The following TRMT11 variants were observed in gnomAD, a reference collection of about 807,000 sequenced individuals.
TRMT11 encodes tRNA methyltransferase 11.
In TRMT11, 53 loss-of-function variants were observed where a neutral mutation model predicts 62.8. The observed-to-expected ratio is 0.84, with a 90% CI of 0.68 to 1.06. The LOEUF (loss-of-function observed/expected upper bound fraction) is 1.06. TRMT11 is among the 50% of genes least tolerant of loss of function. The probability of loss-of-function intolerance (pLI) is 0.00; values close to 1 mark genes in which losing one functional copy is unlikely to be tolerated. For synonymous variants in TRMT11, 188 were observed against 190.3 expected (o/e 0.99, Z 0.10); for missense variants, 556 against 553.4 (o/e 1.00, Z -0.05).
the TRMT11 span, among the ~76,000 whole-genome samples, chr6:126,232,307 C>G: frequency 6.6e-6 from 1 of 152,054 alleles, no homozygotes; most frequent in Non-Finnish European, 1.5e-5. Context: ...TGTCTGTGCT[C>G]TTACATTTTC....
chr6:126,195,461 A>G (rs1778654938), intron 1 of TRMT11, among the ~76,000 whole-genome samples: 1 of 152,246 alleles, frequency 6.6e-6, no homozygotes, highest in Non-Finnish European at 1.5e-5. Flanking sequence ...AGACTTTGGA[A>G]CAAAATTTAA....
intron 7 of TRMT11, 120 bp from the exon 8 acceptor site, chr6:126,008,272 C>T (rs987087994): frequency 4.7e-6 from 4 of 854,342 alleles, no homozygotes; most frequent in Non-Finnish European, 4.0e-6. Context: ...TATGTTACGA[C>T]CAATGTCATT....
intron 21 of TRMT11, among the ~76,000 whole-genome samples, chr6:126,159,515 C>A (rs563471145): frequency 6.6e-6 from 1 of 152,334 alleles, no homozygotes; most frequent in Admixed American, 6.5e-5. Flanking sequence ...GGCCACTGAT[C>A]ACTACATAGA....
At chr6:126,000,053 AATATATCCT>A (rs1792215932) in intron 7 of TRMT11, among the ~76,000 whole-genome samples, 1 of 152,146 alleles carries the variant, frequency 6.6e-6, no homozygotes, top group Admixed American at 6.5e-5. Flanking sequence ...GAAAATAGTT[AATATATCCT>A]ATCTTTGAGT....
At chr6:126,119,565 G>A (rs559900171) in intron 21 of TRMT11, among the ~76,000 whole-genome samples, 9 of 151,908 alleles carry the variant, frequency 5.9e-5, no homozygotes, top group African/African-American at 1.5e-4. Context: ...GAAAACCGAT[G>A]CATGGAAAGA....
chr6:125,995,920 G>C (rs374744348), intron 2 of TRMT11, 47 bp from the exon 3 acceptor site: 4 of 1,143,854 alleles, frequency 3.5e-6, no homozygotes, highest in Non-Finnish European at 5.3e-6. Flanking sequence ...AGCATATGAG[G>C]CCATGTAGCC....
At chr6:126,266,496 G>T in the TRMT11 span, among the ~76,000 whole-genome samples, 3 of 152,018 alleles carry the variant, frequency 2.0e-5, no homozygotes, top group South Asian at 2.1e-4. Context: ...CAGAAATTCT[G>T]TCTTTCTTTC....
Position 125,995,702 on chromosome 6 carries a change from G to A in TRMT11, c.139-265G>A, listed in dbSNP as rs187899568. On this transcript the variant is annotated intron_variant, in intron 2 of 12. Transcript: ENST00000334379. ...GATATAATATGCATTAATTCCTTTC[G>A]TAAAGCTACATAAAAGGGCAGATAC... is the stretch of plus-strand genomic sequence containing the variant. 2.0e-3 allele frequency among the ~76,000 whole-genome samples: 311 copies of A among 152,180 alleles called. 3 individuals are homozygous for A. Among genetic ancestry groups the A allele is most frequent in the African/African-American group, 7.1e-3 (295 of 41,526 alleles).
At chr6:126,238,701 G>T in the TRMT11 span, among the ~76,000 whole-genome samples, 8 of 152,180 alleles carry the variant, frequency 5.3e-5, no homozygotes, top group Non-Finnish European at 1.0e-4. Context: ...ATTTGGGGTG[G>T]AGAGTTCTGT....
At chr6:126,165,220 C>T (rs1254989241) in intron 21 of TRMT11, among the ~76,000 whole-genome samples, 1 of 150,860 alleles carries the variant, frequency 6.6e-6, no homozygotes, top group Non-Finnish European at 1.5e-5. Context: ...GGAGGTTGCA[C>T]TGAGCCGAGA....
intron 21 of TRMT11, among the ~76,000 whole-genome samples, chr6:126,146,206 G>A (rs1472405018): frequency 6.6e-6 from 1 of 152,168 alleles, no homozygotes; most frequent in Non-Finnish European, 1.5e-5. Flanking sequence ...GGAAGCAGTA[G>A]AACAGTTGCG....
intron 1 of TRMT11, among the ~76,000 whole-genome samples, chr6:126,190,027 T>A (rs1312238730): frequency 6.6e-6 from 1 of 152,176 alleles, no homozygotes; most frequent in Non-Finnish European, 1.5e-5. Context: ...ATACATCACC[T>A]CAAACATTTA....
intron 17 of TRMT11, among the ~76,000 whole-genome samples, chr6:126,088,702 T>A (rs1469454941): frequency 1.3e-5 from 2 of 152,192 alleles, no homozygotes; most frequent in Non-Finnish European, 2.9e-5. Context: ...CTTCTAGACA[T>A]CTCTTTATAG....
the TRMT11 span, among the ~76,000 whole-genome samples, chr6:126,242,405 G>T: frequency 6.6e-6 from 1 of 152,104 alleles, no homozygotes; most frequent in African/African-American, 2.4e-5. Flanking sequence ...AGCTACCAAT[G>T]ACTTTCTTCA....
chr6:126,004,359 T>G (rs557186939), intron 7 of TRMT11, among the ~76,000 whole-genome samples: 27 of 152,176 alleles, frequency 1.8e-4, no homozygotes, highest in African/African-American at 5.8e-4. Context: ...GTTCATATAG[T>G]ACAATTAATA....
chr6:126,151,386 A>AT (rs1778035735), intron 21 of TRMT11, among the ~76,000 whole-genome samples: 1 of 152,152 alleles, frequency 6.6e-6, no homozygotes, highest in Non-Finnish European at 1.5e-5. Context: ...TGGCTTCAAT[A>AT]TTTTTTAAGA....
At chr6:126,226,251 T>C in the TRMT11 span, among the ~76,000 whole-genome samples, 1 of 152,216 alleles carries the variant, frequency 6.6e-6, no homozygotes, top group Non-Finnish European at 1.5e-5. Context: ...CTGGCTAATA[T>C]TTTAAATAAA....
At chr6:126,195,101 G>A (rs1269191040) in intron 1 of TRMT11, among the ~76,000 whole-genome samples, 1 of 152,218 alleles carries the variant, frequency 6.6e-6, no homozygotes, top group Non-Finnish European at 1.5e-5. Context: ...GGGAGGCAGA[G>A]TGAGACCCTG....
At chr6:126,047,674 T>G (rs948143758) in intron 16 of TRMT11, among the ~76,000 whole-genome samples, 24 of 152,146 alleles carry the variant, frequency 1.6e-4, no homozygotes, top group African/African-American at 5.8e-4. Context: ...TAAAAGACCA[T>G]TAATCGTAAC....
Sources: allele counts gnomAD v4.1 joint callset (sites outside exome capture counted in the v4.1 genomes callset), GRCh38; gene constraint gnomAD v4.1.1; transcripts MANE v1.5; gene names NCBI Gene and HGNC (gene_info 2026-07-23, HGNC 2026-07-21).